The following CSMD1 variants were observed in gnomAD, a reference collection of about 807,000 sequenced individuals.
The protein encoded by CSMD1 is CUB and sushi domain-containing protein 1.
In CSMD1, 213 loss-of-function variants were observed where a neutral mutation model predicts 417.5. The ratio of observed to expected loss-of-function variants is 0.51; its 90% CI spans 0.46 to 0.57. The LOEUF is 0.57. Among genes scored for constraint, CSMD1 ranks in the 20% least tolerant of loss-of-function variants. The pLI is 0.00. For synonymous variants in CSMD1, 2,862 were observed against 1,736.8 expected, an observed-to-expected ratio of 1.65 and a Z score of -16.11; for missense variants, 6,923 against 4,529.7, an observed-to-expected ratio of 1.53 and a Z score of -15.17.
At chr8:3,612,756 T>C (rs1373620780) in intron 8 of CSMD1, among the ~76,000 whole-genome samples, 1 of 152,010 alleles carries the variant, frequency 6.6e-6, no homozygotes, top group East Asian at 1.9e-4. Context: ...CATATCAAAA[T>C]TGAAGAGATG....
At chr8:4,593,723 T>C (rs796383744) in intron 2 of CSMD1, among the ~76,000 whole-genome samples, 6 of 152,312 alleles carry the variant, frequency 3.9e-5, no homozygotes, top group African/African-American at 1.2e-4. Context: ...GATCTCTTAA[T>C]TTTTCCAACA....
chr8:4,787,675 TA>T, intron 1 of CSMD1: 1 of 1,589,210 alleles, frequency 6.3e-7, no homozygotes, highest in Non-Finnish European at 8.6e-7. Flanking sequence ...GATATAAGTT[TA>T]CCCACCTAAA....
intron 2 of CSMD1, among the ~76,000 whole-genome samples, chr8:4,592,667 G>A (rs538536809): frequency 1.9e-4 from 29 of 152,248 alleles, no homozygotes; most frequent in South Asian, 1.5e-3. Context: ...GATTACCAGC[G>A]TGAGCCACTG....
chr8:4,459,725 A>T (rs1027605519), intron 2 of CSMD1, among the ~76,000 whole-genome samples: 3 of 152,214 alleles, frequency 2.0e-5, no homozygotes, highest in Non-Finnish European at 2.9e-5. Flanking sequence ...ATAATGAAGC[A>T]ATCAGGTGGA....
At chr8:3,490,928 G>A (rs1256900152) in intron 11 of CSMD1, among the ~76,000 whole-genome samples, 2 of 152,092 alleles carry the variant, frequency 1.3e-5, no homozygotes, top group African/African-American at 2.4e-5. Flanking sequence ...TTTGGCAAGG[G>A]TGCAGAAAAA....
At chr8:3,129,883 G>T (rs1229484914) in intron 41 of CSMD1, among the ~76,000 whole-genome samples, 1 of 151,970 alleles carries the variant, frequency 6.6e-6, no homozygotes, top group East Asian at 1.9e-4. Flanking sequence ...CAGCTATTCA[G>T]CATGGGAGAA....
intron 1 of CSMD1, among the ~76,000 whole-genome samples, chr8:4,970,330 T>G (rs1204201044): frequency 6.6e-6 from 1 of 152,266 alleles, no homozygotes; most frequent in East Asian, 1.9e-4. Flanking sequence ...CAAGGGGATG[T>G]GTATTAAAGT....
chr8:4,802,081 A>G (rs921286383), intron 1 of CSMD1, among the ~76,000 whole-genome samples: 1 of 152,228 alleles, frequency 6.6e-6, no homozygotes, highest in African/African-American at 2.4e-5. Flanking sequence ...AGTTGATGAC[A>G]TATAGAAAAT....
At chr8:4,602,675 G>C (rs1305422269) in intron 2 of CSMD1, among the ~76,000 whole-genome samples, 3 of 152,126 alleles carry the variant, frequency 2.0e-5, no homozygotes, top group South Asian at 2.1e-4. Context: ...TTCTTGGCTT[G>C]AAATGACTTA....
chr8:3,158,035 G>C, intron 38 of CSMD1, 69 bp from the exon 39 acceptor site: 6 of 1,207,714 alleles, frequency 5.0e-6, no homozygotes, highest in Non-Finnish European at 7.1e-6. Flanking sequence ...AAATGTTTGA[G>C]AATATCTGCA....
At chr8:3,753,065 A>G (rs998200172) in intron 6 of CSMD1, among the ~76,000 whole-genome samples, 1 of 152,154 alleles carries the variant, frequency 6.6e-6, no homozygotes, top group Admixed American at 6.6e-5. Context: ...TGCAGCATGG[A>G]GGATGCTGTA....
At chr8:3,793,685 T>C (rs1431579182) in intron 5 of CSMD1, among the ~76,000 whole-genome samples, 1 of 152,182 alleles carries the variant, frequency 6.6e-6, no homozygotes, top group Non-Finnish European at 1.5e-5. Flanking sequence ...TCATGATTCA[T>C]TATTCAGGGT....
At chr8:3,094,953 G>T (rs1442095498) in intron 47 of CSMD1, among the ~76,000 whole-genome samples, 1 of 152,032 alleles carries the variant, frequency 6.6e-6, no homozygotes, top group African/African-American at 2.4e-5. Flanking sequence ...GACAATCCTA[G>T]TCACTGATTT....
intron 5 of CSMD1, among the ~76,000 whole-genome samples, chr8:3,800,373 A>T (rs999082779): frequency 1.3e-5 from 2 of 152,188 alleles, no homozygotes; most frequent in Admixed American, 6.6e-5. Context: ...TGAGAAACAA[A>T]TGAGCTTACA....
intron 52 of CSMD1, among the ~76,000 whole-genome samples, chr8:3,012,029 G>A (rs1808427693): frequency 6.6e-6 from 1 of 152,182 alleles, no homozygotes. Context: ...ACACAGTACA[G>A]TTGGTAAATT....
At chr8:3,911,379 T>G (rs144527556) in intron 5 of CSMD1, among the ~76,000 whole-genome samples, 1 of 151,694 alleles carries the variant, frequency 6.6e-6, no homozygotes, top group Non-Finnish European at 1.5e-5. Flanking sequence ...ATACAAAAAA[T>G]TAGCTGGGTA....
chr8:4,654,835 T>A (rs1804129372), intron 1 of CSMD1, among the ~76,000 whole-genome samples: 1 of 152,064 alleles, frequency 6.6e-6, no homozygotes, highest in Admixed American at 6.5e-5. Flanking sequence ...AACTCTATTT[T>A]AAAGACAACA....
intron 18 of CSMD1, among the ~76,000 whole-genome samples, chr8:3,371,150 T>C (rs923490953): frequency 6.6e-6 from 1 of 152,188 alleles, no homozygotes; most frequent in Admixed American, 6.5e-5. Context: ...TGCCACTGGC[T>C]TTTCCAGATG....
chr8:4,451,582 C>A (rs890805245), intron 2 of CSMD1, among the ~76,000 whole-genome samples: 1 of 151,902 alleles, frequency 6.6e-6, no homozygotes, highest in East Asian at 1.9e-4. Flanking sequence ...ACAAAGAAAG[C>A]CTTAAAAAGA....
Sources: allele counts gnomAD v4.1 joint callset (sites outside exome capture counted in the v4.1 genomes callset), GRCh38; gene constraint gnomAD v4.1.1; transcripts MANE v1.5; gene names NCBI Gene and HGNC (gene_info 2026-07-23, HGNC 2026-07-21).